APPL2: variants seen among roughly 807,000 people sequenced by gnomAD.
APPL2 encodes the protein adaptor protein, phosphotyrosine interacting with PH domain and leucine zipper 2, also known as DCC-interacting protein 13-beta.
A neutral mutation model predicts 92.7 loss-of-function variants in APPL2; 84 were observed. That is an observed-to-expected ratio of 0.91 (90% CI 0.76 to 1.09). APPL2 has a LOEUF of 1.09. APPL2 is among the 50% of genes least tolerant of loss of function. APPL2 has a pLI of 0.00. For missense variants in APPL2, 736 were observed against 824.5 expected (o/e 0.89, Z 1.31); for synonymous variants, 291 against 291.0 (o/e 1.00, Z 0.00).
intron 8 of APPL2, among the ~76,000 whole-genome samples, chr12:105,205,595 C>T (rs1888631869): frequency 6.6e-6 from 1 of 152,222 alleles, no homozygotes; most frequent in African/African-American, 2.4e-5. Flanking sequence ...GCAAGTTCTA[C>T]AGCACTGACC....
intron 8 of APPL2, among the ~76,000 whole-genome samples, chr12:105,206,422 G>A (rs1002985803): frequency 1.3e-5 from 2 of 152,188 alleles, no homozygotes; most frequent in African/African-American, 4.8e-5. Context: ...TGGAAAGTGA[G>A]GGGGTGGTGC....
Position 105,190,140 on chromosome 12 carries a change from A to G in APPL2, c.1257T>C (p.Asn419=). ...ESSCPSQNLK[N]SEMENENDKI... ...TGTCATTTTCATTTTCCATCTCTGAATTTTTCAGGTTCTGGCTGAAGGGGA... is the reference window on the plus strand; with the variant it reads ...TGTCATTTTCATTTTCCATCTCTGAGTTTTTCAGGTTCTGGCTGAAGGGGA... The change falls in exon 15 of 21, where the codon AAT becomes AAC. Residue 419 remains asparagine, a synonymous_variant. Transcript: ENST00000258530. 1 of 1,613,828 alleles carries G rather than the reference A, an allele frequency of 6.2e-7. No homozygotes were observed. The highest frequency in any genetic ancestry group is 8.5e-7 in the Non-Finnish European group (1 of 1,179,946).
chr12:105,176,685 G>C (rs531065819), intron 19 of APPL2, 191 bp downstream of exon 19: 2 of 653,782 alleles, frequency 3.1e-6, no homozygotes, highest in African/African-American at 3.6e-5. Context: ...CTGGTTGATA[G>C]GTATTTTCCA....
At chr12:105,206,908 G>C (rs1448300464) in intron 8 of APPL2, 153 bp downstream of exon 8, 5 of 948,762 alleles carry the variant, frequency 5.3e-6, no homozygotes, top group Non-Finnish European at 7.5e-6. Flanking sequence ...AGCTCAACTG[G>C]AAGCTGTCCA....
intron 1 of APPL2, chr12:105,229,525 T>C: frequency 2.9e-6 from 3 of 1,029,926 alleles, no homozygotes; most frequent in Non-Finnish European, 3.5e-6. Flanking sequence ...CTTTAGCCCC[T>C]ACCTAAGCAC....
chr12:105,205,155 C>T (rs963988017), intron 8 of APPL2, among the ~76,000 whole-genome samples: 3 of 152,136 alleles, frequency 2.0e-5, no homozygotes, highest in Non-Finnish European at 2.9e-5. Context: ...TTGCCAAGGT[C>T]GGATGAGGCA....
chr12:105,201,699 CA>C (rs142562025), intron 9 of APPL2, among the ~76,000 whole-genome samples: 1,770 of 149,508 alleles, frequency 0.012, 19 homozygotes, highest in Middle Eastern at 0.041. Flanking sequence ...GATAAAACAA[CA>C]AAAAAAAGCA....
Position 105,224,974 on chromosome 12 carries a change from G to C in APPL2, c.153+4151C>G, listed in dbSNP as rs149284909. Among the ~76,000 whole-genome samples, 4 of 152,062 alleles carry C rather than the reference G, an allele frequency of 2.6e-5. No individual in the cohort carries two copies. In the East Asian group the frequency reaches 7.7e-4, roughly 29 times the overall value. ...AAAATACTACTTCCACCTCCAATTC[G>C]GGCTTCTAGGATCAGGAGTTTTAAG... On this transcript the variant is annotated intron_variant, in intron 2 of 20. Transcript: ENST00000258530.
In APPL2 at chr12:105,188,337, G is replaced by A. The variant is rs747934315; in HGVS notation, c.1570C>T (p.Arg524Trp). Reference sequence around the variant, plus strand: ...ATGCGGAAGATGTTATGAATAGCCCGAGCAGCCAATACTTGTCTCATCGCT... The same window carrying A: ...ATGCGGAAGATGTTATGAATAGCCCAAGCAGCCAATACTTGTCTCATCGCT... ...YEAMRQVLAA[R>W]AIHNIFRMTE... The change falls in exon 17 of 21, where the codon CGG (arginine) becomes TGG (tryptophan). Residue 524 changes from arginine (R) to tryptophan (W), a missense_variant. By Grantham distance (101) the Arg-to-Trp change is moderately radical. Transcript: ENST00000258530. The A allele has an allele frequency of 1.3e-5, 21 of 1,614,024 alleles. No individual in the cohort carries two copies. The highest frequency in any genetic ancestry group is 6.7e-5 in the Admixed American group (4 of 60,004).
At chr12:105,183,998 T>G (rs1886366893) in intron 17 of APPL2, among the ~76,000 whole-genome samples, 1 of 152,234 alleles carries the variant, frequency 6.6e-6, no homozygotes. Flanking sequence ...ACACTTTATT[T>G]CATTAAGTTA....
intron 16 of APPL2, 135 bp from the exon 17 acceptor site, chr12:105,188,582 A>T: frequency 3.9e-6 from 3 of 771,722 alleles, no homozygotes; most frequent in Non-Finnish European, 6.2e-6. Context: ...TACCACTTTT[A>T]TAAGCCCAAT....
At chr12:105,203,883 C>T in intron 8 of APPL2, 98 bp from the exon 9 acceptor site, 1 of 1,046,456 alleles carries the variant, frequency 9.6e-7, no homozygotes, top group Non-Finnish European at 1.5e-6. Context: ...GCCATCACAG[C>T]TGGCTGGCCC....
chr12:105,197,696 T>C, intron 11 of APPL2, 69 bp downstream of exon 11: 1 of 1,579,714 alleles, frequency 6.3e-7, no homozygotes, highest in Non-Finnish European at 8.6e-7. Flanking sequence ...AGGAATGAAC[T>C]AGGAGGCCCT....
chr12:105,222,216 C>T (rs60550375), intron 2 of APPL2, among the ~76,000 whole-genome samples: 8,344 of 152,108 alleles, frequency 0.055, 522 homozygotes, highest in African/African-American at 0.15. Context: ...TTTATTCCAG[C>T]GGCAGTGGGG....
In APPL2 at chr12:105,229,148, T is replaced by G; in HGVS notation, c.130A>C (p.Met44Leu). The change falls in exon 2 of 21, where the codon ATG becomes CTG. Residue 44 changes from methionine to leucine, a missense_variant. Coordinates refer to ENST00000258530, the MANE Select transcript of APPL2 (RefSeq NM_018171.5). The stretch of plus-strand genomic sequence containing the variant: ...ACCTGGGCTCCATAGACGCGCTGCA[T>G]TGCCTGGAGCAGCTGGTTGGTATAG... The part of the protein sequence containing the change: ...TDYTNQLLQA[M>L]QRVYGAQNEM... 2 of 1,612,740 alleles carry G rather than the reference T, an allele frequency of 1.2e-6. No individual in the cohort carries two copies. Among genetic ancestry groups the G allele is most frequent in the Non-Finnish European group, 1.7e-6 (2 of 1,179,520 alleles).
chr12:105,202,706 T>C (rs1566074896), intron 9 of APPL2, among the ~76,000 whole-genome samples: 1 of 152,214 alleles, frequency 6.6e-6, no homozygotes, highest in Admixed American at 6.5e-5. Context: ...AGCATAATTA[T>C]AAATAAAAGC....
chr12:105,184,109 A>G (rs1172317354), intron 17 of APPL2, among the ~76,000 whole-genome samples: 1 of 152,174 alleles, frequency 6.6e-6, no homozygotes, highest in Non-Finnish European at 1.5e-5. Flanking sequence ...CATCTCCATC[A>G]GGTTATTTAT....
chr12:105,179,027 G>A (rs1885841240), intron 17 of APPL2, among the ~76,000 whole-genome samples: 2 of 152,092 alleles, frequency 1.3e-5, no homozygotes, highest in African/African-American at 4.8e-5. Flanking sequence ...AGATACATGT[G>A]CAGAACGTGC....
At chr12:105,179,228 C>T (rs1307129680) in intron 17 of APPL2, among the ~76,000 whole-genome samples, 3 of 152,150 alleles carry the variant, frequency 2.0e-5, no homozygotes, top group Non-Finnish European at 4.4e-5. Flanking sequence ...TGAGTGAGAA[C>T]ATGCGGTGTT....
Sources: allele counts gnomAD v4.1 joint callset (sites outside exome capture counted in the v4.1 genomes callset), GRCh38; gene constraint gnomAD v4.1.1; transcripts MANE v1.5; gene names NCBI Gene and HGNC (gene_info 2026-07-23, HGNC 2026-07-21).